Variants in TOR1AIP2 observed in about 807,000 individuals in gnomAD.
The protein encoded by TOR1AIP2 is torsin 1A interacting protein 2, also known as torsin-1A-interacting protein 2.
A neutral mutation model predicts 32.6 loss-of-function variants in TOR1AIP2; 20 were observed. The observed-to-expected ratio is 0.61, with a 90% confidence interval of 0.43 to 0.89. The LOEUF (loss-of-function observed/expected upper bound fraction) is 0.89. Among genes scored for constraint, TOR1AIP2 ranks in the 40% least tolerant of loss-of-function variants. TOR1AIP2 has a pLI of 0.00. For missense variants in TOR1AIP2, 456 were observed against 553.8 expected (o/e 0.82, Z 1.77); for synonymous variants, 214 against 210.8 (o/e 1.02, Z -0.13).
chr1:179,877,054 T>C (rs1007914637), intron 2 of TOR1AIP2, among the ~76,000 whole-genome samples, 185 bp downstream of exon 2: 1 of 152,106 alleles, frequency 6.6e-6, no homozygotes, highest in Non-Finnish European at 1.5e-5. Context: ...CCTAGGCATG[T>C]TGGGAATGGA....
At chr1:179,865,183 C>A (rs1196251724) in intron 3 of TOR1AIP2, 4 of 1,587,070 alleles carry the variant, frequency 2.5e-6, no homozygotes, top group Non-Finnish European at 2.6e-6. Context: ...ACATCTGGAC[C>A]TAGAAAGACA....
chr1:179,869,285 C>G (rs1489131858), intron 2 of TOR1AIP2: 1 of 147,814 alleles, frequency 6.8e-6, no homozygotes, highest in Non-Finnish European at 1.5e-5. Context: ...TGCAATAAAG[C>G]TTTAAAAAAA....
Position 179,851,345 on chromosome 1 carries a change from T to C in TOR1AIP2, c.53A>G (p.Glu18Gly), listed in dbSNP as rs779373936. ...CTGAGAATTTACTGATGGATCATTT[T>C]CCAAATCCTTTTGAGAGTCTATTGA... ...EPQEDSQKDL[E>G]NDPSVNSQAQ... Residue 18 changes from glutamate (E) to glycine (G), a missense_variant, in exon 5 of 7, where the codon GAA (glutamate) becomes GGA (glycine). Transcript: ENST00000609928. The C allele has an allele frequency of 2.3e-5, 36 of 1,568,496 alleles. No homozygotes were observed. The highest frequency in any genetic ancestry group is 2.8e-5 in the Non-Finnish European group (33 of 1,165,046).
At chr1:179,862,497 G>T (rs2148444570) in intron 3 of TOR1AIP2, 2 of 985,406 alleles carry the variant, frequency 2.0e-6, no homozygotes, top group South Asian at 9.4e-5. Context: ...TCCATTGTAA[G>T]AGACATAAGG....
At position 179,840,197 on chromosome 1, in the gene TOR1AIP2, A is replaced by C. The variant is rs1695677709; in HGVS notation, c.*5874T>G. The C allele has an allele frequency of 1.3e-5, 2 of 152,206 alleles. No individual in the cohort carries two copies. Among genetic ancestry groups the C allele is most frequent in the Non-Finnish European group, 2.9e-5 (2 of 68,038 alleles). 9.4% of individuals were successfully genotyped at this position (152,206 alleles called of 1,614,324 possible). On this transcript the variant is annotated 3_prime_UTR_variant, in exon 7 of 7. Transcript: ENST00000609928. The stretch of plus-strand genomic sequence containing the variant: ...AGTGTGCTGTTTCTTTTATGACAGG[A>C]AAGGCAAATAGATTTAAATTTCCTG...
intron 2 of TOR1AIP2, among the ~76,000 whole-genome samples, chr1:179,869,470 A>T (rs1696929081): frequency 6.6e-6 from 1 of 152,230 alleles, no homozygotes; most frequent in South Asian, 2.1e-4. Context: ...AGCTTACAGC[A>T]TCTCTATTCA....
intron 3 of TOR1AIP2, among the ~76,000 whole-genome samples, chr1:179,853,492 CT>C (rs923382520): frequency 2.3e-4 from 35 of 148,972 alleles, no homozygotes; most frequent in African/African-American, 4.4e-4. Flanking sequence ...TTTTATAGTT[CT>C]TTTTTTTGTC....
intron 3 of TOR1AIP2, chr1:179,858,892 C>T: frequency 2.3e-6 from 1 of 432,668 alleles, no homozygotes; most frequent in Non-Finnish European, 3.1e-6. Context: ...GGGTAGGTAT[C>T]AGGAAGTACT....
chr1:179,851,212 T>A lies in TOR1AIP2; in HGVS notation c.186A>T (p.Glu62Asp). The A allele has an allele frequency of 6.2e-7, 1 of 1,613,926 alleles. No individual in the cohort carries two copies. Among genetic ancestry groups the A allele is most frequent in the Non-Finnish European group, 8.5e-7 (1 of 1,180,044 alleles). The change falls in exon 5 of 7, where the codon GAA (glutamate) becomes GAT (aspartate). Residue 62 changes from glutamate to aspartate, a missense_variant. Glu to Asp is a conservative substitution (Grantham distance 45). Transcript: ENST00000609928. ...DHQEVETEGP[E>D]SADTGDKSES... The stretch of plus-strand genomic sequence containing the variant: ...CTGATTTATCACCTGTATCTGCACT[T>A]TCTGGACCTTCTGTCTCTACCTCTT...
intron 6 of TOR1AIP2, 126 bp from the exon 7 acceptor site, chr1:179,846,954 A>G (rs1017353656): frequency 2.0e-6 from 2 of 1,013,496 alleles, no homozygotes; most frequent in Non-Finnish European, 2.7e-6. Flanking sequence ...TTTCTTTTGC[A>G]TAAATTGTTT....
In TOR1AIP2 at chr1:179,852,640, G is replaced by A. The variant is rs1157125368; in HGVS notation, c.26C>T (p.Pro9Leu). The stretch of plus-strand genomic sequence containing the variant: ...AGACAAATCAGTCTTACCCTCTTGA[G>A]GTTCCCTAAGTCCACTGTCGGCCAT... MADSGLRE[P>L]QEDSQKDLEN... Residue 9 changes from proline (P) to leucine (L), a missense_variant, in exon 4 of 7, where the codon CCT (proline) becomes CTT (leucine). By Grantham distance (98) the Pro-to-Leu change is moderately conservative. Coordinates refer to ENST00000609928, the MANE Select transcript of TOR1AIP2 (RefSeq NM_001199260.2). 1.9e-6 allele frequency: 3 copies of A among 1,613,918 alleles called. No homozygotes were observed. The highest frequency in any genetic ancestry group is 1.7e-5 in the Admixed American group (1 of 59,996).
In TOR1AIP2 at chr1:179,843,762, A is replaced by C. The variant is rs1240301414; in HGVS notation, c.*2309T>G. 1 of 144,572 alleles carries C rather than the reference A, an allele frequency of 6.9e-6. No individual in the cohort carries two copies. Among genetic ancestry groups the C allele is most frequent in the Non-Finnish European group, 1.5e-5 (1 of 66,642 alleles). The allele number at this position is 144,572 out of a possible 1,614,324, so 9.0% of individuals were successfully genotyped here. On this transcript the variant is annotated 3_prime_UTR_variant, in exon 7 of 7. Transcript: ENST00000609928. ...CTTGAGCCCAGGAGTTTAAAGCTACAGTGAGCTATGATCAAGCCACAGCAC... is the reference window on the plus strand; with the variant it reads ...CTTGAGCCCAGGAGTTTAAAGCTACCGTGAGCTATGATCAAGCCACAGCAC...
In TOR1AIP2 at chr1:179,847,575, G is replaced by A; in HGVS notation, c.615C>T (p.Asp205=). ...KLEEIKENAQ[D]TMRQINKKGF... ...CCTTTTTATTAATCTGTCTCATGGT[G>A]TCCTGTGCATTCTCTTTAATTTCTT... The change falls in exon 6 of 7, where the codon GAC becomes GAT. Residue 205 remains aspartate (D), a synonymous_variant. Coordinates refer to ENST00000609928, the MANE Select transcript of TOR1AIP2 (RefSeq NM_001199260.2). 1 of 1,614,080 alleles carries A rather than the reference G, an allele frequency of 6.2e-7. No individual in the cohort carries two copies. The highest frequency in any genetic ancestry group is 8.5e-7 in the Non-Finnish European group (1 of 1,179,960).
chr1:179,864,672 C>T, intron 3 of TOR1AIP2: 1 of 1,489,954 alleles, frequency 6.7e-7, no homozygotes, highest in African/African-American at 1.4e-5. Context: ...TAAGCAGTTC[C>T]CAAAGTAGTG....
At chr1:179,860,246 G>A in intron 3 of TOR1AIP2, 4 of 965,624 alleles carry the variant, frequency 4.1e-6, no homozygotes, top group Non-Finnish European at 4.9e-6. Context: ...ACTTTGGGAG[G>A]CCCAGGTGAG....
chr1:179,848,449 C>A (rs1402271438), intron 5 of TOR1AIP2, among the ~76,000 whole-genome samples: 1 of 152,068 alleles, frequency 6.6e-6, no homozygotes, highest in East Asian at 1.9e-4. Flanking sequence ...ATTTGAAACT[C>A]TTAGTGAAGG....
In TOR1AIP2 at chr1:179,842,710, G is replaced by A. The variant is rs1042085933; in HGVS notation, c.*3361C>T. 6.6e-6 allele frequency: 1 copy of A among 152,126 alleles called. No individual in the cohort carries two copies. The highest frequency in any genetic ancestry group is 2.4e-5 in the African/African-American group (1 of 41,418). 9.4% of individuals were successfully genotyped at this position (152,126 alleles called of 1,614,324 possible). A position where few individuals can be genotyped will look rare whatever the true frequency, so the allele number is the denominator to read the frequency against. ...AAGCAAATTATCTTTGACAATAAAA[G>A]ACGAATTACTAGACACACAAAAGAA... On this transcript the variant is annotated 3_prime_UTR_variant, in exon 7 of 7. Transcript: ENST00000609928.
At chr1:179,856,689 T>C (rs1696315925) in intron 3 of TOR1AIP2, among the ~76,000 whole-genome samples, 1 of 152,180 alleles carries the variant, frequency 6.6e-6, no homozygotes. Flanking sequence ...TAATCTTGGC[T>C]CACCGCAACC....
chr1:179,872,111 C>T (rs1204671616), intron 2 of TOR1AIP2, among the ~76,000 whole-genome samples: 2 of 152,188 alleles, frequency 1.3e-5, no homozygotes, highest in African/African-American at 2.4e-5. Flanking sequence ...AAAATAGCTG[C>T]AGAATGTTCT....
Sources: gnomAD v4.1 joint callset for allele counts (sites outside exome capture counted in the v4.1 genomes callset) on GRCh38, gnomAD v4.1.1 for gene constraint, MANE v1.5 for transcripts, NCBI Gene and HGNC (gene_info 2026-07-23, HGNC 2026-07-21) for gene names.